CDK14: variants seen among roughly 807,000 people sequenced by gnomAD.
The protein encoded by CDK14 is cyclin-dependent kinase 14.
Under a neutral mutation model 60.7 loss-of-function variants are expected in CDK14, and 34 were observed. That is an observed-to-expected ratio of 0.56 (90% confidence interval 0.43 to 0.75). CDK14 has a LOEUF of 0.75. Among genes scored for constraint, CDK14 ranks in the 30% least tolerant of loss-of-function variants. CDK14 has a pLI of 0.00. For synonymous variants in CDK14, 197 were observed against 203.7 expected, an observed-to-expected ratio of 0.97 and a Z score of 0.28; for missense variants, 482 against 564.1, an observed-to-expected ratio of 0.85 and a Z score of 1.47.
intron 5 of CDK14, among the ~76,000 whole-genome samples, chr7:90,835,260 G>A (rs1470591640): frequency 6.6e-6 from 1 of 152,160 alleles, no homozygotes; most frequent in Non-Finnish European, 1.5e-5. Context: ...TCTTAAGAAA[G>A]AGTAACTGAG....
In CDK14 at chr7:91,055,335, T is replaced by C. The variant is rs186150919; in HGVS notation, c.1105+9375T>C. Among the ~76,000 whole-genome samples the C allele has an allele frequency of 1.4e-4, 22 of 152,354 alleles. No homozygotes were observed. The East Asian group carries it at 4.0e-3, about 28-fold the overall frequency. On this transcript the variant is annotated intron_variant, in intron 11 of 14. Transcript: ENST00000380050. ...GGTAGGTTAAGAAGGGAAATCCCTG[T>C]AGGAATGTTGTAAACCCATTTCAGT...
At chr7:91,125,165 A>G (rs1212992532) in intron 14 of CDK14, among the ~76,000 whole-genome samples, 1 of 152,146 alleles carries the variant, frequency 6.6e-6, no homozygotes, top group Non-Finnish European at 1.5e-5. Flanking sequence ...CCGCTGTCCC[A>G]TGGATACTCG....
At chr7:90,993,924 G>T (rs1422351023) in intron 10 of CDK14, among the ~76,000 whole-genome samples, 1 of 151,954 alleles carries the variant, frequency 6.6e-6, no homozygotes, top group Non-Finnish European at 1.5e-5. Context: ...GGAGGCTATG[G>T]TTTACCTCTG....
chr7:90,806,244 A>G (rs1054278392), intron 5 of CDK14, among the ~76,000 whole-genome samples: 1 of 152,198 alleles, frequency 6.6e-6, no homozygotes, highest in South Asian at 2.1e-4. Flanking sequence ...CATAGATATG[A>G]CAGCAAAAAC....
chr7:90,971,097 G>A (rs1047414713), intron 9 of CDK14, among the ~76,000 whole-genome samples: 6 of 148,348 alleles, frequency 4.0e-5, no homozygotes, highest in African/African-American at 9.8e-5. Flanking sequence ...AACAGTCCCC[G>A]GTGTGTGTCC....
At chr7:91,114,227 T>C (rs1799547128) in intron 13 of CDK14, among the ~76,000 whole-genome samples, 1 of 152,158 alleles carries the variant, frequency 6.6e-6, no homozygotes, top group Non-Finnish European at 1.5e-5. Context: ...ATTTTGATGG[T>C]CTATGAATTC....
At chr7:90,719,649 T>G (rs1802373533) in intron 2 of CDK14, among the ~76,000 whole-genome samples, 1 of 152,190 alleles carries the variant, frequency 6.6e-6, no homozygotes, top group Admixed American at 6.5e-5. Context: ...TCGCTTCAGA[T>G]GAATATCCAT....
At chr7:91,168,631 A>G (rs73402721) in intron 14 of CDK14, among the ~76,000 whole-genome samples, 6,590 of 152,254 alleles carry the variant, frequency 0.043, 475 homozygotes, top group African/African-American at 0.15. Context: ...GATGTTTTCT[A>G]TTTTACATGT....
At position 90,863,280 on chromosome 7, in the gene CDK14, TA is replaced by T; in HGVS notation, c.639+13del. On this transcript the variant is annotated intron_variant, in intron 6 of 14. Coordinates refer to ENST00000380050, the MANE Select transcript of CDK14 (RefSeq NM_001287135.2). ...GTGTTTGAATATGTGGTAAGTAAAA[TA>T]AGACTTTTAAATTTAGACATTTAAA... The T allele has an allele frequency of 6.9e-7, 1 of 1,456,824 alleles. No homozygotes were observed. The highest frequency in any genetic ancestry group is 1.4e-5 in the African/African-American group (1 of 71,198). 90.2% of individuals were successfully genotyped at this position (1,456,824 alleles called of 1,614,324 possible). A position where few individuals can be genotyped will look rare whatever the true frequency, so the allele number is the denominator to read the frequency against.
At chr7:90,903,474 A>ATT (rs1792585578) in intron 7 of CDK14, among the ~76,000 whole-genome samples, 5 of 152,128 alleles carry the variant, frequency 3.3e-5, no homozygotes, top group Admixed American at 2.6e-4. Flanking sequence ...AGAAAGACAA[A>ATT]TAGGGTGTAT....
rs901983580 is a variant in CDK14, at chr7:90,813,609, C to T, written c.544+22957C>T. Among the ~76,000 whole-genome samples, 4 of 152,148 alleles carry T rather than the reference C, an allele frequency of 2.6e-5. No individual in the cohort carries two copies. The East Asian group carries it at 7.7e-4, about 29-fold the overall frequency. ...CTAAAAATATTGTAAATTAGCTGGG[C>T]ACGGTGGCATGTGCCTGTAATCCCA... On this transcript the variant is annotated intron_variant, in intron 5 of 14. Coordinates refer to ENST00000380050, the MANE Select transcript of CDK14 (RefSeq NM_001287135.2).
chr7:90,637,750 T>C (rs1800189733), intron 2 of CDK14, among the ~76,000 whole-genome samples: 1 of 113,314 alleles, frequency 8.8e-6, no homozygotes, highest in Non-Finnish European at 1.8e-5. Flanking sequence ...AAGTCTCCCA[T>C]TATTATTGTG....
At chr7:90,643,662 G>A (rs1281907666) in intron 2 of CDK14, among the ~76,000 whole-genome samples, 1 of 152,102 alleles carries the variant, frequency 6.6e-6, no homozygotes, top group Non-Finnish European at 1.5e-5. Context: ...ACAGCGTGAC[G>A]TTAACTTGAT....
intron 2 of CDK14, among the ~76,000 whole-genome samples, chr7:90,715,074 A>T (rs11765847): frequency 0.16 from 23,785 of 152,040 alleles, 1,967 homozygotes; most frequent in South Asian, 0.18. Flanking sequence ...TTCAGTTTTC[A>T]TGTTTTAATG....
At chr7:91,006,595 A>G (rs539372777) in intron 10 of CDK14, among the ~76,000 whole-genome samples, 2 of 152,380 alleles carry the variant, frequency 1.3e-5, no homozygotes, top group South Asian at 4.1e-4. Flanking sequence ...TGAATTAAAA[A>G]GTACTCAGAA....
rs544900514 is a variant in CDK14, at chr7:91,179,436, A to G, written c.*29-27729A>G. On this transcript the variant is annotated intron_variant, in intron 14 of 14. Transcript: ENST00000380050. ...GAGTTAGTGGGTGCAGCGCACCAGC[A>G]TGGCACATGTATACATATGTAACTA... Among the ~76,000 whole-genome samples, 994 of 151,524 alleles carry G rather than the reference A, an allele frequency of 6.6e-3. 4 individuals are homozygous for G. The highest frequency in any genetic ancestry group is 0.01 in the Non-Finnish European group (709 of 67,888).
intron 14 of CDK14, among the ~76,000 whole-genome samples, chr7:91,184,694 T>A (rs1802114990): frequency 6.6e-6 from 1 of 152,150 alleles, no homozygotes; most frequent in Non-Finnish European, 1.5e-5. Context: ...GTTGCTGAAT[T>A]GGTGGGATGA....
intron 4 of CDK14, among the ~76,000 whole-genome samples, chr7:90,756,288 C>G (rs1584860986): frequency 6.6e-6 from 1 of 152,194 alleles, no homozygotes; most frequent in African/African-American, 2.4e-5. Context: ...TGAAGATGTG[C>G]TCAGCTGATC....
intron 2 of CDK14, 107 bp from the exon 3 acceptor site, chr7:90,726,460 A>G: frequency 4.5e-6 from 6 of 1,322,218 alleles, no homozygotes; most frequent in Non-Finnish European, 5.1e-6. Flanking sequence ...CTTTTTGGGT[A>G]TTTCCTGAAA....
Sources: allele counts gnomAD v4.1 joint callset (sites outside exome capture counted in the v4.1 genomes callset), GRCh38; gene constraint gnomAD v4.1.1; transcripts MANE v1.5; gene names NCBI Gene and HGNC (gene_info 2026-07-23, HGNC 2026-07-21).